The following ABR variants were observed in gnomAD, a reference collection of about 807,000 sequenced individuals.
The protein encoded by ABR is ABR activator of RhoGEF and GTPase, also known as active breakpoint cluster region-related protein.
Under a neutral mutation model 107.2 loss-of-function variants are expected in ABR, and 35 were observed. The ratio of observed to expected loss-of-function variants is 0.33; its 90% CI spans 0.25 to 0.43. The LOEUF is 0.43. Ranked by LOEUF, ABR falls within the 20% of genes least tolerant of loss-of-function variation. ABR has a pLI of 1.00. For synonymous variants in ABR, 498 were observed against 462.0 expected (o/e 1.08, Z -1.00); for missense variants, 815 against 1,115.2 (o/e 0.73, Z 3.83).
chr17:1,220,633 G>A (rs1598149683), intron 1 of ABR, among the ~76,000 whole-genome samples: 4 of 152,142 alleles, frequency 2.6e-5, no homozygotes, highest in Admixed American at 2.6e-4. Context: ...ACGAGTCCCT[G>A]TGACTACAAC....
chr17:1,078,678 G>A lies in ABR; in HGVS notation c.700+652C>T. ...AGGCTGGATGCCGCCAAAACGAAGGGGGAATTCAGGTCCAGCCGCTCGCCC... is the reference window on the plus strand; with the variant it reads ...AGGCTGGATGCCGCCAAAACGAAGGAGGAATTCAGGTCCAGCCGCTCGCCC... On this transcript the variant is annotated intron_variant, in intron 6 of 22. Coordinates refer to ENST00000302538, the MANE Select transcript of ABR (RefSeq NM_021962.5). The surrounding 1 kb of genome is among the most constrained non-coding windows in gnomAD (Gnocchi z 7.5). 2 of 908,788 alleles carry A rather than the reference G, an allele frequency of 2.2e-6. No homozygotes were observed. Among genetic ancestry groups the A allele is most frequent in the South Asian group, 1.7e-5 (1 of 60,262 alleles). 56.3% of individuals were successfully genotyped at this position (908,788 alleles called of 1,614,324 possible).
At chr17:1,218,797 G>A (rs1275125542) in intron 1 of ABR, among the ~76,000 whole-genome samples, 1 of 152,058 alleles carries the variant, frequency 6.6e-6, no homozygotes, top group Non-Finnish European at 1.5e-5. Context: ...CACCAAGATG[G>A]GCCCCCAAGT....
At chr17:1,223,897 G>A (rs1032847719) in intron 1 of ABR, among the ~76,000 whole-genome samples, 2 of 152,102 alleles carry the variant, frequency 1.3e-5, no homozygotes, top group Non-Finnish European at 2.9e-5. Flanking sequence ...CTCCCACCAG[G>A]TCCCTCCCTC....
At chr17:1,166,722 G>A (rs755778725) in intron 1 of ABR, among the ~76,000 whole-genome samples, 2 of 152,220 alleles carry the variant, frequency 1.3e-5, no homozygotes, top group African/African-American at 2.4e-5. Flanking sequence ...AATCCAGGCC[G>A]GGCGCAGGGG....
In ABR at chr17:1,125,121, A is replaced by C. The variant is rs1318819121; in HGVS notation, c.246+62T>G. On this transcript the variant is annotated intron_variant, in intron 2 of 22. Coordinates refer to ENST00000302538, the MANE Select transcript of ABR (RefSeq NM_021962.5). ...GACCAACCCAAGCAGGGCCTGGCCC[A>C]CGATGCCCAGGCCTTCCCGTCACCC... The C allele has an allele frequency of 4.0e-6, 6 of 1,485,488 alleles. No homozygotes were observed. The Admixed American group carries it at 1.3e-4, about 33-fold the overall frequency. The allele number at this position is 1,485,488 out of a possible 1,614,324, so 92.0% of individuals were successfully genotyped here.
At chr17:1,197,954 G>A (rs1184505026) in intron 1 of ABR, among the ~76,000 whole-genome samples, 1 of 151,792 alleles carries the variant, frequency 6.6e-6, no homozygotes, top group Non-Finnish European at 1.5e-5. Flanking sequence ...GCTGCAGGCA[G>A]CTGAGACAGG....
At chr17:1,090,520 G>C (rs1412894642) in intron 4 of ABR, among the ~76,000 whole-genome samples, 1 of 152,170 alleles carries the variant, frequency 6.6e-6, no homozygotes, top group Non-Finnish European at 1.5e-5. Flanking sequence ...AAAAAGTGGA[G>C]TCCACAGGAC....
At position 1,087,681 on chromosome 17, in the gene ABR, A is replaced by G. The variant is rs188445472; in HGVS notation, c.531+3984T>C. Among the ~76,000 whole-genome samples, 232 of 152,214 alleles carry G rather than the reference A, an allele frequency of 1.5e-3. 1 individual carries two copies. The highest frequency in any genetic ancestry group is 4.6e-3 in the African/African-American group (191 of 41,526). ...GCCCACGCTACACGAGGCATACTAG[A>G]CAGTCGCTGCCTAAGCCAAAGTCAG... On this transcript the variant is annotated intron_variant, in intron 4 of 22. Coordinates refer to ENST00000302538, the MANE Select transcript of ABR (RefSeq NM_021962.5).
intron 16 of ABR, among the ~76,000 whole-genome samples, chr17:1,034,983 A>G (rs1351067598): frequency 6.6e-6 from 1 of 152,010 alleles, no homozygotes; most frequent in African/African-American, 2.4e-5. Flanking sequence ...AACGATGGCC[A>G]GCTGGTCTCC....
At chr17:1,049,821 T>C (rs1328469959) in intron 16 of ABR, among the ~76,000 whole-genome samples, 2 of 152,192 alleles carry the variant, frequency 1.3e-5, no homozygotes, top group African/African-American at 4.8e-5. Context: ...GTTTCCATCT[T>C]GCAGAAGCGC....
intron 1 of ABR, among the ~76,000 whole-genome samples, chr17:1,140,644 G>A (rs575590104): frequency 2.7e-4 from 41 of 152,076 alleles, no homozygotes; most frequent in African/African-American, 9.2e-4. Flanking sequence ...GTGCAGTGGT[G>A]GGATCTCAGC....
At chr17:1,171,432 G>A (rs979086166) in intron 1 of ABR, among the ~76,000 whole-genome samples, 3 of 152,144 alleles carry the variant, frequency 2.0e-5, no homozygotes, top group Non-Finnish European at 4.4e-5. Context: ...CAGCTCCACC[G>A]ATGCCCCGGG....
intron 16 of ABR, among the ~76,000 whole-genome samples, chr17:1,040,940 G>A (rs943867897): frequency 3.9e-5 from 6 of 152,178 alleles, no homozygotes; most frequent in Non-Finnish European, 8.8e-5. Flanking sequence ...TTGAGACAGA[G>A]TCTCGCTCTG....
chr17:1,165,625 G>A (rs375474973), intron 1 of ABR, among the ~76,000 whole-genome samples: 80 of 152,248 alleles, frequency 5.3e-4, no homozygotes, highest in African/African-American at 1.8e-3. Flanking sequence ...TCCGCCTCCC[G>A]GGTTCAAGTG....
At chr17:1,119,538 T>G (rs2039247529) in intron 2 of ABR, among the ~76,000 whole-genome samples, 1 of 63,658 alleles carries the variant, frequency 1.6e-5, no homozygotes. Flanking sequence ...CGTTATTGCC[T>G]GAGCCTTCCT....
intron 16 of ABR, among the ~76,000 whole-genome samples, chr17:1,047,101 T>G (rs915203296): frequency 6.6e-6 from 1 of 152,208 alleles, no homozygotes; most frequent in Non-Finnish European, 1.5e-5. Context: ...CTGGATGGGC[T>G]GCTGGGAGGG....
intron 1 of ABR, among the ~76,000 whole-genome samples, chr17:1,203,862 C>T (rs2042735912): frequency 6.6e-6 from 1 of 152,190 alleles, no homozygotes; most frequent in Admixed American, 6.5e-5. Flanking sequence ...CCAGGACGTT[C>T]CGGTGGCGCC....
chr17:1,018,208 A>C (rs1472204283), intron 16 of ABR, among the ~76,000 whole-genome samples: 2 of 151,360 alleles, frequency 1.3e-5, no homozygotes, highest in African/African-American at 4.9e-5. Flanking sequence ...ACCCCCGGCT[A>C]ATTTTTTGTA....
At chr17:1,056,685 C>G (rs2033313422) in intron 13 of ABR, among the ~76,000 whole-genome samples, 1 of 152,174 alleles carries the variant, frequency 6.6e-6, no homozygotes, top group South Asian at 2.1e-4. Context: ...AACTTCCAGC[C>G]TCATTTCCCA....
Sources: gnomAD v4.1 joint callset for allele counts (sites outside exome capture counted in the v4.1 genomes callset) on GRCh38, gnomAD v4.1.1 for gene constraint, Gnocchi (gnomAD v3.1) non-coding constraint, MANE v1.5 for transcripts, NCBI Gene and HGNC (gene_info 2026-07-23, HGNC 2026-07-21) for gene names.